The following PARD3 variants were observed in gnomAD, a reference collection of about 807,000 sequenced individuals.
PARD3 encodes partitioning defective 3 homolog.
Under a neutral mutation model 155.4 loss-of-function variants are expected in PARD3, and 75 were observed. The observed-to-expected ratio is 0.48, with a 90% CI of 0.40 to 0.58. The LOEUF (loss-of-function observed/expected upper bound fraction) is 0.58. Among genes scored for constraint, PARD3 ranks in the 20% least tolerant of loss-of-function variants. The pLI is 0.00. For missense variants in PARD3, 1,642 were observed against 1,721.7 expected, an observed-to-expected ratio of 0.95 and a Z score of 0.82; for synonymous variants, 576 against 610.5, an observed-to-expected ratio of 0.94 and a Z score of 0.83.
chr10:34,654,903 A>C (rs1044826868), intron 2 of PARD3, among the ~76,000 whole-genome samples: 1 of 152,084 alleles, frequency 6.6e-6, no homozygotes, highest in Non-Finnish European at 1.5e-5. Flanking sequence ...TTCCCCATCT[A>C]CACTCCCGTT....
At chr10:34,314,516 G>A (rs1240428685) in intron 20 of PARD3, among the ~76,000 whole-genome samples, 1 of 152,184 alleles carries the variant, frequency 6.6e-6, no homozygotes, top group African/African-American at 2.4e-5. Context: ...CATGCCCAGG[G>A]GCACTAGACA....
At chr10:34,683,104 C>A (rs938621244) in intron 2 of PARD3, among the ~76,000 whole-genome samples, 1 of 152,162 alleles carries the variant, frequency 6.6e-6, no homozygotes, top group African/African-American at 2.4e-5. Context: ...ATAGATGGAA[C>A]TGGAAGCCAA....
chr10:34,302,321 GTACT>G (rs1957194358), intron 20 of PARD3, among the ~76,000 whole-genome samples: 1 of 152,166 alleles, frequency 6.6e-6, no homozygotes, highest in African/African-American at 2.4e-5. Context: ...TACCCACAAA[GTACT>G]TACTTTGTAC....
chr10:34,151,350 T>C (rs1948773122), intron 22 of PARD3, among the ~76,000 whole-genome samples: 1 of 152,182 alleles, frequency 6.6e-6, no homozygotes, highest in African/African-American at 2.4e-5. Flanking sequence ...CAGGATTTGT[T>C]ATCAATAACT....
chr10:34,710,827 A>AC lies in PARD3; in HGVS notation c.121-14409dup, dbSNP rs535226515. Among the ~76,000 whole-genome samples, 39 of 152,134 alleles carry AC rather than the reference A, an allele frequency of 2.6e-4. No homozygotes were observed. In the South Asian group the frequency reaches 3.5e-3, roughly 14 times the overall value. Reference sequence around the variant, plus strand: ...TCTTCCACATATCTGCAAAGCTTTCACCCCCAGAGTTCCAACTACCCAAAT... The same window carrying AC: ...TCTTCCACATATCTGCAAAGCTTTCACCCCCCAGAGTTCCAACTACCCAAAT... On this transcript the variant is annotated intron_variant, in intron 1 of 24. Transcript: ENST00000374788.
intron 22 of PARD3, among the ~76,000 whole-genome samples, chr10:34,200,799 C>T (rs1410808169): frequency 1.3e-5 from 2 of 152,206 alleles, no homozygotes; most frequent in African/African-American, 2.4e-5. Flanking sequence ...CACATGCAGA[C>T]GCCAGGGCTA....
Position 34,495,447 on chromosome 10 carries a change from G to A in PARD3, c.403+21532C>T, listed in dbSNP as rs139266243. Among the ~76,000 whole-genome samples the A allele has an allele frequency of 5.3e-5, 8 of 152,320 alleles. No individual in the cohort carries two copies. In the East Asian group the frequency reaches 1.5e-3, roughly 29 times the overall value. ...AGATTAATCACTCGGATAATCAAGG[G>A]TAGACTCACTACATTTTCAGACATA... On this transcript the variant is annotated intron_variant, in intron 3 of 24. Coordinates refer to ENST00000374788, the MANE Select transcript of PARD3 (RefSeq NM_001184785.2).
At position 34,442,779 on chromosome 10, in the gene PARD3, G is replaced by A. The variant is rs145384201; in HGVS notation, c.714+7538C>T. Among the ~76,000 whole-genome samples, 104 of 152,294 alleles carry A rather than the reference G, an allele frequency of 6.8e-4. 1 individual carries two copies. The highest frequency in any genetic ancestry group is 6.6e-3 in the South Asian group (32 of 4,832). On this transcript the variant is annotated intron_variant, in intron 5 of 24. Transcript: ENST00000374788. ...CCAGCTGCTCAGAAGGCTAAAGCAG[G>A]ACGATTGCTTGAGCACAGAAGTTTG...
intron 2 of PARD3, among the ~76,000 whole-genome samples, chr10:34,547,697 G>C (rs1261958221): frequency 6.6e-6 from 1 of 152,148 alleles, no homozygotes; most frequent in Admixed American, 6.5e-5. Context: ...GACATCTATT[G>C]ACCAAGTGGT....
intron 1 of PARD3, among the ~76,000 whole-genome samples, chr10:34,752,208 C>G (rs570895883): frequency 6.6e-6 from 1 of 151,456 alleles, no homozygotes; most frequent in South Asian, 2.1e-4. Context: ...GTGGGTCAAG[C>G]TTACCAGGGA....
Position 34,751,625 on chromosome 10 carries a change from A to AT in PARD3, c.121-55207dup, listed in dbSNP as rs1179814887. ...TTAAACCTTTCTCTCTTTTTTTGAG[A>AT]TGGGGTCTTGCTCTATGACCCAGGC... On this transcript the variant is annotated intron_variant, in intron 1 of 24. Transcript: ENST00000374788. Among the ~76,000 whole-genome samples the AT allele has an allele frequency of 3.3e-5, 5 of 151,986 alleles. No individual in the cohort carries two copies. The East Asian group carries it at 7.7e-4, about 23-fold the overall frequency.
At chr10:34,633,139 C>T (rs898977480) in intron 2 of PARD3, among the ~76,000 whole-genome samples, 1 of 152,064 alleles carries the variant, frequency 6.6e-6, no homozygotes, top group Non-Finnish European at 1.5e-5. Flanking sequence ...ACTAACATTT[C>T]CATCCCCTCA....
chr10:34,692,009 A>C (rs1455463822), intron 2 of PARD3, among the ~76,000 whole-genome samples: 1 of 152,210 alleles, frequency 6.6e-6, no homozygotes, highest in Non-Finnish European at 1.5e-5. Flanking sequence ...AGGCAGGTGG[A>C]TTGCCTGAGG....
At chr10:34,471,920 T>C (rs1355305376) in intron 3 of PARD3, among the ~76,000 whole-genome samples, 3 of 152,190 alleles carry the variant, frequency 2.0e-5, no homozygotes, top group Non-Finnish European at 4.4e-5. Context: ...GGGATATTTT[T>C]GAAACACTGG....
chr10:34,443,259 T>C (rs1393761408), intron 5 of PARD3, among the ~76,000 whole-genome samples: 1 of 152,264 alleles, frequency 6.6e-6, no homozygotes, highest in Non-Finnish European at 1.5e-5. Context: ...CACTAGTTTT[T>C]AAATTTACTT....
chr10:34,488,139 C>G (rs995322589), intron 3 of PARD3, among the ~76,000 whole-genome samples: 84 of 152,232 alleles, frequency 5.5e-4, no homozygotes, highest in African/African-American at 1.9e-3. Flanking sequence ...AGCTCCTGCA[C>G]TTTACAAGAT....
At chr10:34,369,323 T>G (rs569319660) in intron 12 of PARD3, among the ~76,000 whole-genome samples, 4,928 of 150,858 alleles carry the variant, frequency 0.033, 242 homozygotes, top group African/African-American at 0.11. Flanking sequence ...TTTGTTTATT[T>G]ATTTATTTAT....
intron 2 of PARD3, among the ~76,000 whole-genome samples, chr10:34,687,283 G>A (rs2093967536): frequency 6.6e-6 from 1 of 152,114 alleles, no homozygotes; most frequent in Non-Finnish European, 1.5e-5. Flanking sequence ...CCCAGGGCAA[G>A]GGGGCTGGGG....
At chr10:34,514,068 T>C (rs2081561065) in intron 3 of PARD3, among the ~76,000 whole-genome samples, 1 of 152,186 alleles carries the variant, frequency 6.6e-6, no homozygotes, top group Non-Finnish European at 1.5e-5. Context: ...GAGAATTCCA[T>C]CTATGAAAAC....
Sources: gnomAD v4.1 joint callset for allele counts (sites outside exome capture counted in the v4.1 genomes callset) on GRCh38, gnomAD v4.1.1 for gene constraint, MANE v1.5 for transcripts, NCBI Gene and HGNC (gene_info 2026-07-23, HGNC 2026-07-21) for gene names.